The following CACNB2 variants were observed in gnomAD, a reference collection of about 807,000 sequenced individuals.
The protein encoded by CACNB2 is voltage-dependent L-type calcium channel subunit beta-2.
A neutral mutation model predicts 73.3 loss-of-function variants in CACNB2; 42 were observed. The ratio of observed to expected loss-of-function variants is 0.57; its 90% confidence interval spans 0.45 to 0.74. CACNB2 has a LOEUF of 0.74. Among genes scored for constraint, CACNB2 ranks in the 30% least tolerant of loss-of-function variants. CACNB2 has a pLI of 0.00. For missense variants in CACNB2, 940 were observed against 853.0 expected (o/e 1.10, Z -1.27); for synonymous variants, 348 against 310.3 (o/e 1.12, Z -1.28).
At chr10:18,260,848 T>G in intron 2 of CACNB2, 2 of 1,068,280 alleles carry the variant, frequency 1.9e-6, no homozygotes, top group Non-Finnish European at 2.3e-6. Context: ...TACTGCAGGG[T>G]CGCGAAATGC....
intron 3 of CACNB2, among the ~76,000 whole-genome samples, chr10:18,495,544 AC>A (rs202190973): frequency 1.8e-4 from 22 of 123,684 alleles, no homozygotes; most frequent in Admixed American, 4.9e-4. Context: ...AAGTATAAAA[AC>A]TGTGTGTGTG....
intron 2 of CACNB2, among the ~76,000 whole-genome samples, chr10:18,343,422 A>C (rs1401868165): frequency 6.6e-6 from 1 of 152,128 alleles, no homozygotes; most frequent in African/African-American, 2.4e-5. Context: ...TCCCCTAAAT[A>C]ATGGTGTGAT....
rs370201485 is a variant in CACNB2, at chr10:18,171,521, G to GAAAAAAAAAAAAAAAAAAA, written c.213+20556_213+20574dup. On this transcript the variant is annotated intron_variant, in intron 2 of 13. Coordinates refer to ENST00000324631, the MANE Select transcript of CACNB2 (RefSeq NM_201596.3). ...TCCCTTCTTCCCGGCTTTGATAGCA[G>GAAAAAAAAAAAAAAAAAAA]AAAAAAAAAAAAAAAAAAAAAAAAA... 4.3e-4 allele frequency among the ~76,000 whole-genome samples: 14 copies of GAAAAAAAAAAAAAAAAAAA among 32,604 alleles called. 2 individuals carry two copies. The highest frequency in any genetic ancestry group is 1.2e-3 in the Admixed American group (2 of 1,672). The allele number at this position is 32,604 out of a possible 152,430, so 21.4% of individuals were successfully genotyped here.
chr10:18,207,055 C>G (rs1411469688), intron 2 of CACNB2, among the ~76,000 whole-genome samples: 2 of 152,164 alleles, frequency 1.3e-5, no homozygotes. Flanking sequence ...GTCACCCAGG[C>G]TGGAGTGCTG....
intron 3 of CACNB2, among the ~76,000 whole-genome samples, chr10:18,481,851 T>G (rs1181205024): frequency 2.0e-5 from 3 of 152,162 alleles, no homozygotes; most frequent in African/African-American, 7.2e-5. Context: ...CCATTACAAC[T>G]GACATGAAAA....
chr10:18,335,462 G>A (rs775917289), intron 2 of CACNB2, among the ~76,000 whole-genome samples: 3 of 152,156 alleles, frequency 2.0e-5, no homozygotes, highest in African/African-American at 7.2e-5. Flanking sequence ...GCATGGCGGA[G>A]CATGCCTTTA....
intron 2 of CACNB2, among the ~76,000 whole-genome samples, chr10:18,324,200 A>G (rs2040497907): frequency 6.6e-6 from 1 of 152,172 alleles, no homozygotes; most frequent in Non-Finnish European, 1.5e-5. Flanking sequence ...CAGGGAGGAG[A>G]ATTATATATT....
At chr10:18,204,055 A>G (rs2034995338) in intron 2 of CACNB2, among the ~76,000 whole-genome samples, 1 of 152,198 alleles carries the variant, frequency 6.6e-6, no homozygotes, top group Admixed American at 6.5e-5. Context: ...GCTTATCCTT[A>G]TAGGAGAAAA....
chr10:18,526,462 G>A (rs759710721), intron 9 of CACNB2, among the ~76,000 whole-genome samples: 1 of 152,162 alleles, frequency 6.6e-6, no homozygotes, highest in Non-Finnish European at 1.5e-5. Context: ...ATATTGTGAG[G>A]GGGCAGTGGA....
At chr10:18,209,033 T>G (rs2035214166) in intron 2 of CACNB2, among the ~76,000 whole-genome samples, 1 of 152,206 alleles carries the variant, frequency 6.6e-6, no homozygotes, top group Admixed American at 6.5e-5. Flanking sequence ...AATGCAAAAC[T>G]AATATAATCT....
At chr10:18,534,030 A>G in intron 10 of CACNB2, 46 bp from the exon 11 acceptor site, 2 of 1,602,706 alleles carry the variant, frequency 1.2e-6, no homozygotes, top group Non-Finnish European at 1.7e-6. Context: ...ATTTTACTTT[A>G]TCTTAAAAAT....
At chr10:18,495,730 A>G (rs753636303) in intron 3 of CACNB2, among the ~76,000 whole-genome samples, 19 of 151,750 alleles carry the variant, frequency 1.3e-4, no homozygotes, top group Non-Finnish European at 1.8e-4. Context: ...AAAAATATAT[A>G]TTTTTTGCTT....
intron 2 of CACNB2, among the ~76,000 whole-genome samples, chr10:18,315,362 CAAA>C (rs1263695227): frequency 7.3e-6 from 1 of 136,276 alleles, no homozygotes; most frequent in Admixed American, 7.5e-5. Flanking sequence ...CAAAACAAAA[CAAA>C]AACAAAAACA....
At chr10:18,495,945 G>T (rs1057308640) in intron 3 of CACNB2, among the ~76,000 whole-genome samples, 2 of 151,664 alleles carry the variant, frequency 1.3e-5, no homozygotes, top group Non-Finnish European at 1.5e-5. Context: ...CAAGAAGCAG[G>T]ATCCCTGGTA....
chr10:18,527,381 C>T (rs1402588587), intron 9 of CACNB2, among the ~76,000 whole-genome samples: 1 of 146,540 alleles, frequency 6.8e-6, no homozygotes, highest in Non-Finnish European at 1.5e-5. Context: ...TGTCTCAAAA[C>T]AAACAAAAAA....
chr10:18,468,257 A>G (rs1004397277), intron 3 of CACNB2, among the ~76,000 whole-genome samples: 2 of 152,164 alleles, frequency 1.3e-5, no homozygotes. Flanking sequence ...CTCGAGTTTG[A>G]GAACAGCCTG....
chr10:18,515,432 G>A (rs1392077376), intron 7 of CACNB2, among the ~76,000 whole-genome samples: 3 of 152,138 alleles, frequency 2.0e-5, no homozygotes, highest in Admixed American at 1.3e-4. Context: ...ATTCTCACAC[G>A]CAGATGTGAT....
intron 6 of CACNB2, among the ~76,000 whole-genome samples, chr10:18,507,241 C>G (rs2050539964): frequency 6.6e-6 from 1 of 152,056 alleles, no homozygotes; most frequent in Admixed American, 6.6e-5. Flanking sequence ...AGGTAAGGAA[C>G]AGAGGGTAAA....
intron 3 of CACNB2, among the ~76,000 whole-genome samples, chr10:18,432,351 C>T (rs2045927567): frequency 6.6e-6 from 1 of 152,208 alleles, no homozygotes; most frequent in South Asian, 2.1e-4. Context: ...ATGTCCTGAT[C>T]TGCTCATAAT....
Sources: allele counts gnomAD v4.1 joint callset (sites outside exome capture counted in the v4.1 genomes callset), GRCh38; gene constraint gnomAD v4.1.1; transcripts MANE v1.5; gene names NCBI Gene and HGNC (gene_info 2026-07-23, HGNC 2026-07-21).